The following ZNF705G variants were observed in gnomAD, a reference collection of about 807,000 sequenced individuals.
The protein encoded by ZNF705G is zinc finger protein 705G.
Under a neutral mutation model 19.6 loss-of-function variants are expected in ZNF705G, and 23 were observed. That is an observed-to-expected ratio of 1.17 (90% CI 0.84 to 1.66). ZNF705G has a LOEUF of 1.66. Among genes scored for constraint, ZNF705G ranks in the 40% most tolerant of loss-of-function variants. The probability of loss-of-function intolerance (pLI) is 0.00; values close to 1 mark genes in which losing one functional copy is unlikely to be tolerated. For synonymous variants in ZNF705G, 146 were observed against 117.7 expected (o/e 1.24, Z -1.56); for missense variants, 457 against 354.4 (o/e 1.29, Z -2.32).
At chr8:7,370,239 C>A (rs1443540290) in intron 2 of ZNF705G, among the ~76,000 whole-genome samples, 1 of 145,702 alleles carries the variant, frequency 6.9e-6, no homozygotes, top group African/African-American at 2.8e-5. Context: ...CCACTGCACT[C>A]CAGCCTGTGT....
At position 7,380,314 on chromosome 8, in the gene ZNF705G, G is replaced by A. The variant is rs563648315; in HGVS notation, c.-72+1138C>T. Among the ~76,000 whole-genome samples the A allele has an allele frequency of 7.5e-5, 11 of 147,158 alleles. No individual in the cohort carries two copies. In the East Asian group the frequency reaches 1.6e-3, roughly 21 times the overall value. On this transcript the variant is annotated intron_variant, in intron 2 of 6. Transcript: ENST00000400156. ...GCTGTCACTACCACTACCCAAGGTC[G>A]TTGTCCAGGAGGCTGGGGATCAACC...
At chr8:7,383,799 C>G (rs1326191577) in intron 1 of ZNF705G, among the ~76,000 whole-genome samples, 1 of 147,738 alleles carries the variant, frequency 6.8e-6, no homozygotes, top group Non-Finnish European at 1.5e-5. Context: ...ACACCTATGC[C>G]GGTGTCTTGA....
chr8:7,361,330 G>A (rs1221668232), intron 3 of ZNF705G, 94 bp from the exon 4 acceptor site: 13 of 1,585,846 alleles, frequency 8.2e-6, no homozygotes, highest in Middle Eastern at 2.3e-4. Context: ...AGCTGGGTAT[G>A]CAGAATACTC....
chr8:7,363,972 T>C (rs1442274918), intron 2 of ZNF705G, among the ~76,000 whole-genome samples: 5 of 149,566 alleles, frequency 3.3e-5, no homozygotes, highest in Admixed American at 6.6e-5. Flanking sequence ...TTCTCTCCTG[T>C]GTATACAGTC....
intron 5 of ZNF705G, 118 bp downstream of exon 5, chr8:7,360,119 C>T (rs1806504969): frequency 8.2e-7 from 1 of 1,214,180 alleles, no homozygotes. Context: ...GCTCCAGTAG[C>T]CTAACCTACA....
At chr8:7,366,803 A>G (rs1806877138) in intron 2 of ZNF705G, among the ~76,000 whole-genome samples, 1 of 149,600 alleles carries the variant, frequency 6.7e-6, no homozygotes, top group Non-Finnish European at 1.5e-5. Context: ...ATAGAATTTA[A>G]AAATAAGTGG....
intron 2 of ZNF705G, among the ~76,000 whole-genome samples, chr8:7,365,890 C>T (rs1256033697): frequency 2.7e-5 from 4 of 149,512 alleles, no homozygotes; most frequent in Non-Finnish European, 5.9e-5. Context: ...GTAAAAATAA[C>T]TGATGTCTAT....
At chr8:7,368,513 C>T (rs3958829) in intron 2 of ZNF705G, among the ~76,000 whole-genome samples, 54,182 of 145,978 alleles carry the variant, frequency 0.37, 5,320 homozygotes, top group African/African-American at 0.49. Flanking sequence ...AAATAAAATA[C>T]ATTGCAGAAA....
chr8:7,382,967 A>C (rs1303522739), intron 1 of ZNF705G, among the ~76,000 whole-genome samples: 1 of 147,726 alleles, frequency 6.8e-6, no homozygotes, highest in Non-Finnish European at 1.5e-5. Flanking sequence ...AAAATCCATC[A>C]TATCACTCTG....
chr8:7,369,936 A>G (rs1206875044), intron 2 of ZNF705G, among the ~76,000 whole-genome samples: 2 of 149,246 alleles, frequency 1.3e-5, no homozygotes, highest in African/African-American at 5.2e-5. Context: ...TCTATTGGGT[A>G]TTATGTTTTC....
chr8:7,362,955 A>T lies in ZNF705G; in HGVS notation c.-9T>A, dbSNP rs747427428. 6.3e-7 allele frequency: 1 copy of T among 1,590,764 alleles called. No homozygotes were observed. The highest frequency in any genetic ancestry group is 8.5e-7 in the Non-Finnish European group (1 of 1,179,202). On this transcript the variant is annotated 5_prime_UTR_variant, in exon 3 of 7. Transcript: ENST00000400156. Reference sequence around the variant, plus strand: ...CTCACTAGTGAATGCATTGTCAGGAACTCAGTTTCTCTCTGTCTTCCTCTG... The same window carrying T: ...CTCACTAGTGAATGCATTGTCAGGATCTCAGTTTCTCTCTGTCTTCCTCTG...
rs1282182491 is a variant in ZNF705G at position 7,377,970 on chromosome 8, A to AG, written c.-72+3481_-72+3482insC. On this transcript the variant is annotated intron_variant, in intron 2 of 6. Coordinates refer to ENST00000400156, the MANE Select transcript of ZNF705G (RefSeq NM_001164457.3). ...CACTGTCTCAAAAAAAAAAAAAAAA[A>AG]AAAAAAAAGTTTATATTACATGTTA... Among the ~76,000 whole-genome samples the AG allele has an allele frequency of 9.0e-3, 986 of 109,836 alleles. 12 individuals carry two copies. The highest frequency in any genetic ancestry group is 0.033 in the African/African-American group (813 of 24,742). 72.1% of individuals were successfully genotyped at this position (109,836 alleles called of 152,430 possible).
intron 2 of ZNF705G, among the ~76,000 whole-genome samples, chr8:7,370,485 A>T (rs1807055376): frequency 6.7e-6 from 1 of 149,342 alleles, no homozygotes; most frequent in Non-Finnish European, 1.5e-5. Flanking sequence ...ACCCTTGTAT[A>T]CTTGTGGTGG....
At chr8:7,369,872 A>G (rs1449607481) in intron 2 of ZNF705G, among the ~76,000 whole-genome samples, 1 of 148,978 alleles carries the variant, frequency 6.7e-6, no homozygotes, top group African/African-American at 2.6e-5. Context: ...AACAACAGAT[A>G]CTGGGAACTA....
intron 2 of ZNF705G, among the ~76,000 whole-genome samples, chr8:7,366,452 T>C (rs1364835200): frequency 6.7e-6 from 1 of 149,578 alleles, no homozygotes; most frequent in African/African-American, 2.6e-5. Context: ...ATGCAACATA[T>C]TTAGATACAA....
rs528373117 is a variant in ZNF705G at position 7,358,990 on chromosome 8, T to C, written c.319-430A>G. Among the ~76,000 whole-genome samples the C allele has an allele frequency of 1.4e-4, 21 of 149,784 alleles. 1 individual carries two copies. The highest frequency in any genetic ancestry group is 3.9e-4 in the Admixed American group (6 of 15,248). Reference sequence around the variant, plus strand: ...GCCCCATTTTGCCTATGTTGTCTTATGTAAAATGCAGCTTTCCTGCATTAT... The same window carrying C: ...GCCCCATTTTGCCTATGTTGTCTTACGTAAAATGCAGCTTTCCTGCATTAT... On this transcript the variant is annotated intron_variant, in intron 6 of 6. Coordinates refer to ENST00000400156, the MANE Select transcript of ZNF705G (RefSeq NM_001164457.3).
intron 4 of ZNF705G, 64 bp from the exon 5 acceptor site, chr8:7,360,396 T>G: frequency 6.3e-7 from 1 of 1,579,716 alleles, no homozygotes; most frequent in East Asian, 2.2e-5. Context: ...TATCACCAAG[T>G]GTAATGCAGG....
chr8:7,367,620 A>T lies in ZNF705G; in HGVS notation c.-71-4603T>A, dbSNP rs1486081956. ...GAATCACGGGAAAGAGGAAAACCCA[A>T]CGCAGGATCAAGGTTAAAGGCTCTT... On this transcript the variant is annotated intron_variant, in intron 2 of 6. Coordinates refer to ENST00000400156, the MANE Select transcript of ZNF705G (RefSeq NM_001164457.3). Among the ~76,000 whole-genome samples, 13 of 149,558 alleles carry T rather than the reference A, an allele frequency of 8.7e-5. 1 individual carries two copies. In the South Asian group the frequency reaches 1.9e-3, roughly 22 times the overall value.
chr8:7,358,153 G>C lies in ZNF705G; in HGVS notation c.726C>G (p.Asn242Lys). 1 of 1,607,500 alleles carries C rather than the reference G, an allele frequency of 6.2e-7. No individual in the cohort carries two copies. Among genetic ancestry groups the C allele is most frequent in the Non-Finnish European group, 8.5e-7 (1 of 1,179,606 alleles). The change falls in exon 7 of 7, where the codon AAC (asparagine) becomes AAG (lysine). Residue 242 changes from asparagine to lysine, a missense_variant. Transcript: ENST00000400156. Reference sequence around the variant, plus strand: ...GGTGAGTTCTCTCATGTCTTTGAAGGTTAAAGGATTGAATAAAGACTTTCC... The same window carrying C: ...GGTGAGTTCTCTCATGTCTTTGAAGCTTAAAGGATTGAATAAAGACTTTCC... Reference protein sequence around the residue: ...QYGKVFIQSFNLQRHERTHLG... With the variant: ...QYGKVFIQSFKLQRHERTHLG...
Sources: allele counts gnomAD v4.1 joint callset (sites outside exome capture counted in the v4.1 genomes callset), GRCh38; gene constraint gnomAD v4.1.1; transcripts MANE v1.5; gene names NCBI Gene and HGNC (gene_info 2026-07-23, HGNC 2026-07-21).